The following TNRC6A variants were observed in gnomAD, a reference collection of about 807,000 sequenced individuals.
TNRC6A encodes the protein trinucleotide repeat containing adaptor 6A.
In TNRC6A, 44 loss-of-function variants were observed where a neutral mutation model predicts 221.2. The ratio of observed to expected loss-of-function variants is 0.20; its 90% CI spans 0.16 to 0.26. The LOEUF (loss-of-function observed/expected upper bound fraction) is 0.26. Ranked by LOEUF, TNRC6A falls within the 10% of genes least tolerant of loss-of-function variation. The pLI, the probability that TNRC6A is intolerant of heterozygous loss-of-function variation, is 1.00. For missense variants in TNRC6A, 2,199 were observed against 2,404.4 expected (o/e 0.91, Z 1.79); for synonymous variants, 847 against 838.5 (o/e 1.01, Z -0.18).
chr16:24,711,263 C>T (rs2056201356), intron 2 of TNRC6A, among the ~76,000 whole-genome samples: 1 of 152,172 alleles, frequency 6.6e-6, no homozygotes, highest in South Asian at 2.1e-4. Context: ...CCGCCTCGGC[C>T]TCCCAAATTG....
At chr16:24,648,617 T>C (rs1902444359) in intron 2 of TNRC6A, among the ~76,000 whole-genome samples, 1 of 152,096 alleles carries the variant, frequency 6.6e-6, no homozygotes, top group African/African-American at 2.4e-5. Context: ...AGGGTGGAAG[T>C]TTTCTAGTTT....
chr16:24,786,594 G>A lies in TNRC6A; in HGVS notation c.590-2638G>A, dbSNP rs565501354. On this transcript the variant is annotated intron_variant, in intron 5 of 24. Coordinates refer to ENST00000395799, the MANE Select transcript of TNRC6A (RefSeq NM_014494.4). The stretch of plus-strand genomic sequence containing the variant: ...TCCCTAAAATGCTGGGATTACAGGC[G>A]TGAACCATCACGCCTGGCCAGTACA... 4.9e-4 allele frequency among the ~76,000 whole-genome samples: 75 copies of A among 152,172 alleles called. 1 individual carries two copies. Among genetic ancestry groups the A allele is most frequent in the African/African-American group, 1.4e-3 (58 of 41,526 alleles).
intron 6 of TNRC6A, among the ~76,000 whole-genome samples, chr16:24,792,767 G>GGT (rs981270685): frequency 6.6e-6 from 1 of 150,912 alleles, no homozygotes; most frequent in African/African-American, 2.4e-5. Context: ...GGTGTGGAAG[G>GGT]GGTACACTTG....
intron 18 of TNRC6A, among the ~76,000 whole-genome samples, chr16:24,814,286 G>A (rs759498755): frequency 1.1e-4 from 17 of 152,196 alleles, no homozygotes; most frequent in African/African-American, 3.9e-4. Flanking sequence ...AGTGGGAGCC[G>A]GCTGGAGTTG....
intron 4 of TNRC6A, chr16:24,776,725 G>A (rs948438916): frequency 6.1e-6 from 6 of 985,362 alleles, no homozygotes; most frequent in Non-Finnish European, 7.2e-6. Flanking sequence ...GCCCTTATTG[G>A]GTAGGTAGGT....
In TNRC6A at chr16:24,671,692, A is replaced by G. The variant is rs369349227; in HGVS notation, n.402+30683A>G. Among the ~76,000 whole-genome samples, 10 of 152,206 alleles carry G rather than the reference A, an allele frequency of 6.6e-5. 1 individual carries two copies. Among genetic ancestry groups the G allele is most frequent in the African/African-American group, 2.4e-4 (10 of 41,540 alleles). Reference sequence around the variant, plus strand: ...CAAAATGTGAGATGTTTCCATGACAACTAGCCTGGATGAGCTCTTAAAAAT... The same window carrying G: ...CAAAATGTGAGATGTTTCCATGACAGCTAGCCTGGATGAGCTCTTAAAAAT... On this transcript the variant is annotated intron_variant and non_coding_transcript_variant, in intron 2 of 2. Transcript: ENST00000566108.
chr16:24,758,008 T>A (rs2057288029), intron 3 of TNRC6A, among the ~76,000 whole-genome samples: 1 of 152,368 alleles, frequency 6.6e-6, no homozygotes, highest in Non-Finnish European at 1.5e-5. Flanking sequence ...GGTGACAGTT[T>A]GTATAAAAAT....
chr16:24,735,565 T>C (rs1174404811), intron 2 of TNRC6A, among the ~76,000 whole-genome samples: 1 of 152,196 alleles, frequency 6.6e-6, no homozygotes, highest in Non-Finnish European at 1.5e-5. Context: ...AATTAGGTGG[T>C]AAATCACTTG....
At chr16:24,771,994 C>CTCA (rs1308369658) in intron 4 of TNRC6A, among the ~76,000 whole-genome samples, 3 of 152,238 alleles carry the variant, frequency 2.0e-5, no homozygotes, top group Non-Finnish European at 4.4e-5. Context: ...TCTGGTGCTA[C>CTCA]ACTGGCAGAG....
At chr16:24,618,200 C>T (rs1320034756) in intron 1 of TNRC6A, among the ~76,000 whole-genome samples, 2 of 152,122 alleles carry the variant, frequency 1.3e-5, no homozygotes, top group African/African-American at 2.4e-5. Context: ...GGGTTACTGG[C>T]GTGAGCCACT....
At chr16:24,679,752 C>T (rs143920003) in intron 2 of TNRC6A, among the ~76,000 whole-genome samples, 198 of 152,196 alleles carry the variant, frequency 1.3e-3, no homozygotes, top group African/African-American at 4.5e-3. Context: ...GCTAGGATTA[C>T]AGGCGTGAGC....
At chr16:24,816,298 C>T (rs1049432970) in intron 19 of TNRC6A, 1 of 148,714 alleles carries the variant, frequency 6.7e-6, no homozygotes, top group Non-Finnish European at 1.5e-5. Flanking sequence ...CACTGCACTC[C>T]AGCCTGGGCA....
chr16:24,793,104 C>A (rs2058144586), intron 6 of TNRC6A, among the ~76,000 whole-genome samples: 2 of 152,148 alleles, frequency 1.3e-5, no homozygotes, highest in African/African-American at 4.8e-5. Flanking sequence ...AGATGTTATA[C>A]ATACACTGTC....
In TNRC6A at chr16:24,788,001, C is replaced by T. The variant is rs187289640; in HGVS notation, c.590-1231C>T. Among the ~76,000 whole-genome samples, 181 of 152,350 alleles carry T rather than the reference C, an allele frequency of 1.2e-3. 1 individual carries two copies. The highest frequency in any genetic ancestry group is 4.2e-3 in the African/African-American group (173 of 41,584). ...TGCAATATAATGTACCTCCTCAAGA[C>T]AGTCAGAATGCACGTGACTTATGCA... On this transcript the variant is annotated intron_variant, in intron 5 of 24. Coordinates refer to ENST00000395799, the MANE Select transcript of TNRC6A (RefSeq NM_014494.4).
At chr16:24,641,900 A>T (rs1171763073) in intron 2 of TNRC6A, among the ~76,000 whole-genome samples, 5 of 152,272 alleles carry the variant, frequency 3.3e-5, no homozygotes, top group African/African-American at 1.2e-4. Flanking sequence ...GCAGGTGGCC[A>T]GAGAAGCTAG....
At chr16:24,654,580 T>G (rs1902855907) in intron 2 of TNRC6A, among the ~76,000 whole-genome samples, 1 of 151,924 alleles carries the variant, frequency 6.6e-6, no homozygotes, top group Non-Finnish European at 1.5e-5. Context: ...GGTGCTAATG[T>G]CTGTGGCATG....
rs1404139957 is a variant in TNRC6A, at chr16:24,805,026, A to T, written c.3997A>T (p.Ser1333Cys). The change falls in exon 14 of 25, where the codon AGT becomes TGT. Residue 1333 changes from serine to cysteine, a missense_variant. Physicochemically the swap from Ser to Cys is moderately radical, Grantham distance 112. Around this residue, in one of 8 missense-constraint regions of TNRC6A, gnomAD observed 449 missense variants for 579.7 expected, o/e 0.77. Coordinates refer to ENST00000395799, the MANE Select transcript of TNRC6A (RefSeq NM_014494.4). The stretch of plus-strand genomic sequence containing the variant: ...TTTGTTTTTATAGAATGGCAATCCC[A>T]GTATGTTTGGTGTTGGAAACACAGC... The part of the protein sequence containing the change: ...LNSVRQNGNP[S>C]MFGVGNTAAQ... 1 of 1,614,120 alleles carries T rather than the reference A, an allele frequency of 6.2e-7. No individual in the cohort carries two copies. Among genetic ancestry groups the T allele is most frequent in the Non-Finnish European group, 8.5e-7 (1 of 1,180,054 alleles).
intron 2 of TNRC6A, among the ~76,000 whole-genome samples, chr16:24,704,308 T>C (rs2056049058): frequency 6.6e-6 from 1 of 151,832 alleles, no homozygotes; most frequent in South Asian, 2.1e-4. Context: ...GCATTGCATG[T>C]GTGTATTCAT....
intron 2 of TNRC6A, among the ~76,000 whole-genome samples, chr16:24,643,112 TATATATATATAA>T (rs1217231320): frequency 1.9e-4 from 25 of 131,662 alleles, no homozygotes; most frequent in African/African-American, 7.1e-4. Flanking sequence ...ATATATAAAA[TATATATATATAA>T]AATATATATA....
Sources: gnomAD v4.1 joint callset for allele counts (sites outside exome capture counted in the v4.1 genomes callset) on GRCh38, gnomAD v4.1.1 for gene constraint, gnomAD v4.1.1 regional missense constraint, MANE v1.5 for transcripts, NCBI Gene and HGNC (gene_info 2026-07-23, HGNC 2026-07-21) for gene names.